Variants in CCDC166 observed in about 807,000 individuals in gnomAD.
CCDC166 encodes coiled-coil domain-containing protein 166.
A neutral mutation model predicts 14.4 loss-of-function variants in CCDC166; 17 were observed. The ratio of observed to expected loss-of-function variants is 1.18; its 90% CI spans 0.81 to 1.77. The LOEUF is 1.77. Among genes scored for constraint, CCDC166 ranks in the 40% most tolerant of loss-of-function variants. The pLI is 0.00. For synonymous variants in CCDC166, 336 were observed against 330.1 expected (o/e 1.02, Z -0.20); for missense variants, 738 against 665.8 (o/e 1.11, Z -1.19).
Position 143,707,349 on chromosome 8 carries a change from G to A in CCDC166, c.665C>T (p.Ala222Val). The change falls in exon 2 of 2, where the codon GCG (alanine) becomes GTG (valine). Residue 222 changes from alanine to valine, a missense_variant. Transcript: ENST00000542437. This position sits in a 1 kb window ranked among gnomAD's most constrained non-coding sequence, Gnocchi z 8.0. Reference protein sequence around the residue: ...ALVAHTQAIKADNGRLRQELL... With the variant: ...ALVAHTQAIKVDNGRLRQELL... ...CTCCTGCCGCAGGCGTCCGTTGTCC[G>A]CTTTGATGGCCTGCGTGTGCGCCAC... 2 of 1,405,612 alleles carry A rather than the reference G, an allele frequency of 1.4e-6. No homozygotes were observed. The highest frequency in any genetic ancestry group is 1.5e-5 in the South Asian group (1 of 67,050). The allele number at this position is 1,405,612 out of a possible 1,614,324, so 87.1% of individuals were successfully genotyped here.
chr8:143,707,640 C>G lies in CCDC166; in HGVS notation c.444+26G>C. On this transcript the variant is annotated intron_variant, in intron 1 of 1. Transcript: ENST00000542437. This position sits in a 1 kb window ranked among gnomAD's most constrained non-coding sequence, Gnocchi z 8.0. ...CGGCCACCAGCCCCGCCCCGCCTCA[C>G]CCCGGCCGCGGGCGGGCTCACTGGC... 7.2e-7 allele frequency: 1 copy of G among 1,382,084 alleles called. No individual in the cohort carries two copies. The highest frequency in any genetic ancestry group is 9.3e-7 in the Non-Finnish European group (1 of 1,075,472). 85.6% of individuals were successfully genotyped at this position (1,382,084 alleles called of 1,614,324 possible).
rs1042407885 is a variant in CCDC166 at position 143,707,031 on chromosome 8, G to A, written c.983C>T (p.Ser328Leu). The change falls in exon 2 of 2, where the codon TCG (serine) becomes TTG (leucine). Residue 328 changes from serine (S) to leucine (L), a missense_variant. Transcript: ENST00000542437. The surrounding 1 kb of genome is among the most constrained non-coding windows in gnomAD (Gnocchi z 8.0). ...CGAGGGGACCCGGGAAGCCTCGCGC[G>A]ACGGGACCACGGACGAGGCCCGGGG... ...AAPRASSVVP[S>L]REASRVPSLV... 13 of 1,535,550 alleles carry A rather than the reference G, an allele frequency of 8.5e-6. No homozygotes were observed. The highest frequency in any genetic ancestry group is 2.4e-5 in the East Asian group (1 of 40,828).
In CCDC166 at chr8:143,707,204, G is replaced by C. The variant is rs1313036503; in HGVS notation, c.810C>G (p.Gly270=). ...GGCCTCCGGGGCCCCTGCGCAGCCA[G>C]CCGTGCACACGCGCCAGGTCCCGCG... The part of the protein sequence containing the change: ...EDTRDLARVH[G]WLRRGPGGPP... Residue 270 remains glycine (G), a synonymous_variant, in exon 2 of 2, where the codon GGC becomes GGG. Coordinates refer to ENST00000542437, the MANE Select transcript of CCDC166 (RefSeq NM_001162914.1). This position sits in a 1 kb window ranked among gnomAD's most constrained non-coding sequence, Gnocchi z 8.0. The C allele has an allele frequency of 6.1e-5, 85 of 1,385,262 alleles. No homozygotes were observed. Among genetic ancestry groups the C allele is most frequent in the Non-Finnish European group, 7.7e-5 (83 of 1,078,214 alleles). The allele number at this position is 1,385,262 out of a possible 1,614,324, so 85.8% of individuals were successfully genotyped here.
At position 143,707,858 on chromosome 8, in the gene CCDC166, GGCGCGC is replaced by G. The variant is rs781837594; in HGVS notation, c.246_251del (p.Arg83_Ala84del). The G allele has an allele frequency of 9.8e-6, 15 of 1,538,020 alleles. No homozygotes were observed. The African/African-American group carries it at 1.5e-4, about 15-fold the overall frequency. On this transcript the variant is annotated inframe_deletion, in exon 1 of 2. Transcript: ENST00000542437. The surrounding 1 kb of genome is among the most constrained non-coding windows in gnomAD (Gnocchi z 8.0). ...GGACGATGGCTTTGGCGCAGCGCTG[GGCGCGC>G]GCGCTCACGTAGCTGGCGTAGAGCC...
chr8:143,707,610 C>T lies in CCDC166; in HGVS notation c.445-41G>A. ...CGTCAGCTCACCCCCACCCCGCCCC[C>T]GGCCCGGCCACCAGCCCCGCCCCGC... is the stretch of plus-strand genomic sequence containing the variant. On this transcript the variant is annotated intron_variant, in intron 1 of 1. Transcript: ENST00000542437. The surrounding 1 kb of genome is among the most constrained non-coding windows in gnomAD (Gnocchi z 8.0). 4 of 1,349,430 alleles carry T rather than the reference C, an allele frequency of 3.0e-6. No individual in the cohort carries two copies. The South Asian group carries it at 7.2e-5, about 24-fold the overall frequency. 83.6% of individuals were successfully genotyped at this position (1,349,430 alleles called of 1,614,324 possible).
At position 143,707,314 on chromosome 8, in the gene CCDC166, G is replaced by A; in HGVS notation, c.700C>T (p.Leu234=). The A allele has an allele frequency of 7.0e-7, 1 of 1,420,460 alleles. No individual in the cohort carries two copies. The highest frequency in any genetic ancestry group is 9.2e-7 in the Non-Finnish European group (1 of 1,092,610). The allele number at this position is 1,420,460 out of a possible 1,614,324, so 88.0% of individuals were successfully genotyped here. Reference sequence around the variant, plus strand: ...TGCAGCAGCTGGGTCCGGCGGAGCAGCAGCAGCAGCTCCTGCCGCAGGCGT... The same window carrying A: ...TGCAGCAGCTGGGTCCGGCGGAGCAACAGCAGCAGCTCCTGCCGCAGGCGT... ...NGRLRQELLL[L]LRRTQLLHHT... The change falls in exon 2 of 2, where the codon CTG becomes TTG. Residue 234 remains leucine (L), a synonymous_variant. Transcript: ENST00000542437. The surrounding 1 kb of genome is among the most constrained non-coding windows in gnomAD (Gnocchi z 8.0).
rs782428193 is a variant in CCDC166 at position 143,706,964 on chromosome 8, G to C, written c.1050C>G (p.Ala350=). Residue 350 remains alanine (A), a synonymous_variant, in exon 2 of 2, where the codon GCC becomes GCG. Coordinates refer to ENST00000542437, the MANE Select transcript of CCDC166 (RefSeq NM_001162914.1). ...SSMDSRVPSL[A]TSKVGSRMPS... Reference sequence around the variant, plus strand: ...GCATCCGGGATCCCACCTTTGAAGTGGCCAGCGATGGGACCCTGGAGTCCA... The same window carrying C: ...GCATCCGGGATCCCACCTTTGAAGTCGCCAGCGATGGGACCCTGGAGTCCA... 2 of 1,544,078 alleles carry C rather than the reference G, an allele frequency of 1.3e-6. No homozygotes were observed. The highest frequency in any genetic ancestry group is 8.7e-7 in the Non-Finnish European group (1 of 1,146,912).
In CCDC166 at chr8:143,707,020, A is replaced by G. The variant is rs1817544440; in HGVS notation, c.994T>C (p.Ser332Pro). 4 of 1,536,766 alleles carry G rather than the reference A, an allele frequency of 2.6e-6. No homozygotes were observed. The East Asian group carries it at 9.8e-5, about 38-fold the overall frequency. Residue 332 changes from serine (S) to proline (P), a missense_variant, in exon 2 of 2, where the codon TCC becomes CCC. Coordinates refer to ENST00000542437, the MANE Select transcript of CCDC166 (RefSeq NM_001162914.1). This position sits in a 1 kb window ranked among gnomAD's most constrained non-coding sequence, Gnocchi z 8.0. ...ASSVVPSREASRVPSLVLSSM... is the reference protein window; with the variant it reads ...ASSVVPSREAPRVPSLVLSSM... ...GATAGCACCAACGAGGGGACCCGGG[A>G]AGCCTCGCGCGACGGGACCACGGAC...
chr8:143,708,033 G>C lies in CCDC166; in HGVS notation c.77C>G (p.Pro26Arg). ...GGAAAAGAEQ[P>R]LSERAQYLQR... is the part of the protein sequence containing the mutation. ...CAGGTACTGCGCGCGCTCCGATAGCGGCTGCTCGGCACCCGCGGCCGCCGC... is the reference window on the plus strand; with the variant it reads ...CAGGTACTGCGCGCGCTCCGATAGCCGCTGCTCGGCACCCGCGGCCGCCGC... Residue 26 changes from proline to arginine, a missense_variant, in exon 1 of 2, where the codon CCG (proline) becomes CGG (arginine). Pro to Arg is a moderately radical substitution (Grantham distance 103, BLOSUM62 -2). Coordinates refer to ENST00000542437, the MANE Select transcript of CCDC166 (RefSeq NM_001162914.1). The C allele has an allele frequency of 6.7e-7, 1 of 1,501,926 alleles. No individual in the cohort carries two copies. Among genetic ancestry groups the C allele is most frequent in the Non-Finnish European group, 8.9e-7 (1 of 1,123,720 alleles). 93.0% of individuals were successfully genotyped at this position (1,501,926 alleles called of 1,614,324 possible).
chr8:143,707,044 A>G lies in CCDC166; in HGVS notation c.970T>C (p.Ser324Pro). 1 of 1,534,436 alleles carries G rather than the reference A, an allele frequency of 6.5e-7. No homozygotes were observed. Among genetic ancestry groups the G allele is most frequent in the South Asian group, 1.2e-5 (1 of 83,918 alleles). Residue 324 changes from serine to proline, a missense_variant, in exon 2 of 2, where the codon TCC becomes CCC. Ser to Pro is a moderately conservative substitution (Grantham distance 74). Coordinates refer to ENST00000542437, the MANE Select transcript of CCDC166 (RefSeq NM_001162914.1). This position sits in a 1 kb window ranked among gnomAD's most constrained non-coding sequence, Gnocchi z 8.0. The part of the protein sequence containing the change: ...VPSRAAPRAS[S>P]VVPSREASRV... ...GAAGCCTCGCGCGACGGGACCACGG[A>G]CGAGGCCCGGGGGGCCGCGCGCGAC...
chr8:143,707,665 C>T lies in CCDC166; in HGVS notation c.444+1G>A, dbSNP rs1786305612. The T allele has an allele frequency of 2.8e-6, 4 of 1,425,354 alleles. No homozygotes were observed. In the Admixed American group the frequency reaches 1.1e-4, roughly 40 times the overall value. The allele number at this position is 1,425,354 out of a possible 1,614,324, so 88.3% of individuals were successfully genotyped here. On this transcript the variant is annotated splice_donor_variant, in intron 1 of 1. Coordinates refer to ENST00000542437, the MANE Select transcript of CCDC166 (RefSeq NM_001162914.1). LOFTEE classifies it high-confidence loss of function. The surrounding 1 kb of genome is among the most constrained non-coding windows in gnomAD (Gnocchi z 8.0). ...CCCCGGCCGCGGGCGGGCTCACTGG[C>T]CTTGTAGGGCTGCAGCTCTTGCACC...
chr8:143,706,748 C>G lies in CCDC166; in HGVS notation c.1266G>C (p.Ser422=). 6.4e-7 allele frequency: 1 copy of G among 1,550,680 alleles called. No homozygotes were observed. Among genetic ancestry groups the G allele is most frequent in the Non-Finnish European group, 8.7e-7 (1 of 1,146,858 alleles). ...CAGCTTCAGCGTTCACGCTGTCCTC[C>G]GACTGTGGGGGGAGAAGAGCCGGAT... The part of the protein sequence containing the change: ...DRDPALLPPQ[S]EDSVNAEAAA... Residue 422 remains serine (S), a synonymous_variant, in exon 2 of 2, where the codon TCG becomes TCC. Transcript: ENST00000542437.
rs1554616992 is a variant in CCDC166 at position 143,707,947 on chromosome 8, C to T, written c.163G>A (p.Val55Met). The T allele has an allele frequency of 2.0e-6, 3 of 1,537,220 alleles. No homozygotes were observed. Among genetic ancestry groups the T allele is most frequent in the East Asian group, 4.9e-5 (2 of 40,892 alleles). ...LDTCEESVDQ[V>M]LRENAFLDRE... ...TCCAGGAAGGCGTTCTCTCGCAGCA[C>T]CTGGTCAACGCTCTCCTCGCAGGTG... Residue 55 changes from valine to methionine, a missense_variant, in exon 1 of 2, where the codon GTG becomes ATG. Transcript: ENST00000542437. This position sits in a 1 kb window ranked among gnomAD's most constrained non-coding sequence, Gnocchi z 8.0.
Position 143,707,095 on chromosome 8 carries a change from C to A in CCDC166, c.919G>T (p.Ala307Ser). The A allele has an allele frequency of 6.6e-7, 1 of 1,520,878 alleles. No individual in the cohort carries two copies. The highest frequency in any genetic ancestry group is 2.5e-5 in the East Asian group (1 of 40,562). 94.2% of individuals were successfully genotyped at this position (1,520,878 alleles called of 1,614,324 possible). The change falls in exon 2 of 2, where the codon GCC becomes TCC. Residue 307 changes from alanine (A) to serine (S), a missense_variant. Physicochemically the swap from Ala to Ser is moderately conservative, Grantham distance 99 (BLOSUM62 1). Transcript: ENST00000542437. The surrounding 1 kb of genome is among the most constrained non-coding windows in gnomAD (Gnocchi z 8.0). Reference protein sequence around the residue: ...LAAPISPSRAASQTPSVVPSR... With the variant: ...LAAPISPSRASSQTPSVVPSR... ...GGTACCACAGACGGGGTCTGGGAGGCCGCGCGCGACGGGCTTATGGGGGCG... is the reference window on the plus strand; with the variant it reads ...GGTACCACAGACGGGGTCTGGGAGGACGCGCGCGACGGGCTTATGGGGGCG...
chr8:143,706,733 G>A lies in CCDC166; in HGVS notation c.1281C>T (p.Asn427=). 2.6e-6 allele frequency: 4 copies of A among 1,549,552 alleles called. No homozygotes were observed. The highest frequency in any genetic ancestry group is 1.2e-5 in the South Asian group (1 of 84,060). ...GGGAGGCTTCTGCCGCAGCTTCAGC[G>A]TTCACGCTGTCCTCCGACTGTGGGG... is the stretch of plus-strand genomic sequence containing the variant. ...LLPPQSEDSV[N]AEAAAEASPG... is the part of the protein sequence containing the mutation. Residue 427 remains asparagine, a synonymous_variant, in exon 2 of 2, where the codon AAC becomes AAT. Transcript: ENST00000542437.
chr8:143,707,197 G>A lies in CCDC166; in HGVS notation c.817C>T (p.Arg273Cys), dbSNP rs1235860566. The A allele has an allele frequency of 1.4e-5, 19 of 1,383,612 alleles. No homozygotes were observed. The highest frequency in any genetic ancestry group is 3.1e-5 in the African/African-American group (2 of 64,998). The allele number at this position is 1,383,612 out of a possible 1,614,324, so 85.7% of individuals were successfully genotyped here. A position where few individuals can be genotyped will look rare whatever the true frequency, so the allele number is the denominator to read the frequency against. Residue 273 changes from arginine to cysteine, a missense_variant, in exon 2 of 2, where the codon CGC (arginine) becomes TGC (cysteine). Coordinates refer to ENST00000542437, the MANE Select transcript of CCDC166 (RefSeq NM_001162914.1). This position sits in a 1 kb window ranked among gnomAD's most constrained non-coding sequence, Gnocchi z 8.0. The part of the protein sequence containing the change: ...RDLARVHGWL[R>C]RGPGGPPLWE... ...AGCGGCGGGCCTCCGGGGCCCCTGC[G>A]CAGCCAGCCGTGCACACGCGCCAGG...
Position 143,707,142 on chromosome 8 carries a change from G to A in CCDC166, c.872C>T (p.Thr291Ile), listed in dbSNP as rs1817550518. ...GGCGGCTAATGACCCGGGGCGCGAG[G>A]TGGGCTGGGAGAAGGCCGGCCGCTC... ...LWERPAFSQP[T>I]SRPGSLAAPI... Residue 291 changes from threonine (T) to isoleucine (I), a missense_variant, in exon 2 of 2, where the codon ACC becomes ATC. Coordinates refer to ENST00000542437, the MANE Select transcript of CCDC166 (RefSeq NM_001162914.1). This position sits in a 1 kb window ranked among gnomAD's most constrained non-coding sequence, Gnocchi z 8.0. The A allele has an allele frequency of 6.9e-7, 1 of 1,441,996 alleles. No homozygotes were observed. Among genetic ancestry groups the A allele is most frequent in the East Asian group, 2.6e-5 (1 of 37,870 alleles). The allele number at this position is 1,441,996 out of a possible 1,614,324, so 89.3% of individuals were successfully genotyped here. A position where few individuals can be genotyped will look rare whatever the true frequency, so the allele number is the denominator to read the frequency against.
chr8:143,707,146 G>C lies in CCDC166; in HGVS notation c.868C>G (p.Pro290Ala). 1.4e-6 allele frequency: 2 copies of C among 1,427,854 alleles called. No homozygotes were observed. The highest frequency in any genetic ancestry group is 1.8e-6 in the Non-Finnish European group (2 of 1,101,202). 88.4% of individuals were successfully genotyped at this position (1,427,854 alleles called of 1,614,324 possible). ...PLWERPAFSQ[P>A]TSRPGSLAAP... Reference sequence around the variant, plus strand: ...GCTAATGACCCGGGGCGCGAGGTGGGCTGGGAGAAGGCCGGCCGCTCCCAG... The same window carrying C: ...GCTAATGACCCGGGGCGCGAGGTGGCCTGGGAGAAGGCCGGCCGCTCCCAG... The change falls in exon 2 of 2, where the codon CCC becomes GCC. Residue 290 changes from proline to alanine, a missense_variant. Transcript: ENST00000542437. This position sits in a 1 kb window ranked among gnomAD's most constrained non-coding sequence, Gnocchi z 8.0.
Position 143,707,908 on chromosome 8 carries a change from G to T in CCDC166, c.202C>A (p.Arg68Ser), listed in dbSNP as rs1817571532. 2.0e-6 allele frequency: 3 copies of T among 1,537,464 alleles called. No homozygotes were observed. Among genetic ancestry groups the T allele is most frequent in the East Asian group, 2.4e-5 (1 of 40,882 alleles). ...ENAFLDREAL[R>S]LREENRLYAS... ...TAGAGCCGGTTCTCCTCGCGCAGGC[G>T]CAGCGCCTCGCGGTCCAGGAAGGCG... The change falls in exon 1 of 2, where the codon CGC (arginine) becomes AGC (serine). Residue 68 changes from arginine (R) to serine (S), a missense_variant. Coordinates refer to ENST00000542437, the MANE Select transcript of CCDC166 (RefSeq NM_001162914.1). The surrounding 1 kb of genome is among the most constrained non-coding windows in gnomAD (Gnocchi z 8.0).
Sources: allele counts gnomAD v4.1 joint callset, GRCh38; gene constraint gnomAD v4.1.1; non-coding constraint Gnocchi (gnomAD v3.1); transcripts MANE v1.5; gene names NCBI Gene and HGNC (gene_info 2026-07-23, HGNC 2026-07-21).